Variants in SLC44A5 observed in about 807,000 individuals in gnomAD.
SLC44A5 encodes the protein choline transporter-like protein 5.
In SLC44A5, 57 loss-of-function variants were observed where a neutral mutation model predicts 101.8. The observed-to-expected ratio is 0.56, with a 90% CI of 0.45 to 0.70. SLC44A5 has a LOEUF of 0.70. SLC44A5 is among the 30% of genes least tolerant of loss of function. SLC44A5 has a pLI of 0.00. For synonymous variants in SLC44A5, 281 were observed against 290.9 expected (o/e 0.97, Z 0.35); for missense variants, 737 against 853.1 (o/e 0.86, Z 1.70).
Position 75,222,422 on chromosome 1 carries a change from T to A in SLC44A5, c.1024A>T (p.Met342Leu). The change falls in exon 14 of 24, where the codon ATG becomes TTG. Residue 342 changes from methionine to leucine, a missense_variant. Around this residue, in one of 3 missense-constraint regions of SLC44A5, gnomAD observed 665 missense variants for 764.4 expected, o/e 0.87. Coordinates refer to ENST00000370859, the MANE Select transcript of SLC44A5 (RefSeq NM_001130058.2). Reference protein sequence around the residue: ...LCIIEVIVILMLIFLRNRIRV... With the variant: ...LCIIEVIVILLLIFLRNRIRV... ...ATTCGATTCCTGAGGAAGATCAGCATGAGGATGACAATCACTTCAATGATG... is the reference window on the plus strand; with the variant it reads ...ATTCGATTCCTGAGGAAGATCAGCAAGAGGATGACAATCACTTCAATGATG... The A allele has an allele frequency of 6.2e-7, 1 of 1,613,518 alleles. No individual in the cohort carries two copies. The highest frequency in any genetic ancestry group is 8.5e-7 in the Non-Finnish European group (1 of 1,179,810).
intron 4 of SLC44A5, among the ~76,000 whole-genome samples, chr1:75,339,073 A>G (rs1657667879): frequency 6.6e-6 from 1 of 152,216 alleles, no homozygotes; most frequent in Admixed American, 6.5e-5. Flanking sequence ...TGAGATGAGT[A>G]CATATTTCCC....
At chr1:75,204,433 T>C (rs1466099468) in intron 23 of SLC44A5, 1 of 152,202 alleles carries the variant, frequency 6.6e-6, no homozygotes, top group Non-Finnish European at 1.5e-5. Context: ...TAGCTCATAA[T>C]ATAAATTGGC....
intron 1 of SLC44A5, among the ~76,000 whole-genome samples, chr1:75,605,864 T>C (rs573333598): frequency 1.3e-5 from 2 of 152,144 alleles, no homozygotes; most frequent in Admixed American, 6.6e-5. Context: ...AGCTTCTCTC[T>C]GGAAGAAAGG....
At chr1:75,564,891 G>A (rs999913365) in intron 1 of SLC44A5, among the ~76,000 whole-genome samples, 4 of 152,076 alleles carry the variant, frequency 2.6e-5, no homozygotes, top group Non-Finnish European at 4.4e-5. Flanking sequence ...CAAAATGCTG[G>A]GATTACAGGC....
intron 2 of SLC44A5, among the ~76,000 whole-genome samples, chr1:75,472,085 A>T (rs939963959): frequency 4.0e-4 from 12 of 29,826 alleles, no homozygotes; most frequent in Admixed American, 1.5e-3. Flanking sequence ...CCTGGGTTTA[A>T]AAAAAAAAAA....
At chr1:75,690,826 A>T in the SLC44A5 span, among the ~76,000 whole-genome samples, 2 of 152,144 alleles carry the variant, frequency 1.3e-5, no homozygotes, top group Non-Finnish European at 2.9e-5. Flanking sequence ...TATTCCACCC[A>T]TTGGTTAAAG....
chr1:75,227,908 A>G lies in SLC44A5; in HGVS notation c.854-51T>C, dbSNP rs115003208. 4.1e-3 allele frequency: 5,964 copies of G among 1,466,436 alleles called. 25 individuals carry two copies. The highest frequency in any genetic ancestry group is 5.9e-3 in the Middle Eastern group (34 of 5,774). The allele number at this position is 1,466,436 out of a possible 1,614,324, so 90.8% of individuals were successfully genotyped here. On this transcript the variant is annotated intron_variant, in intron 12 of 23. Coordinates refer to ENST00000370859, the MANE Select transcript of SLC44A5 (RefSeq NM_001130058.2). Reference sequence around the variant, plus strand: ...AATATAAAATATGATTTTCTGAAATAGGAGCTATATGTGCTCATCATACAT... The same window carrying G: ...AATATAAAATATGATTTTCTGAAATGGGAGCTATATGTGCTCATCATACAT...
chr1:75,595,304 A>G (rs1674571698), intron 1 of SLC44A5, among the ~76,000 whole-genome samples: 1 of 152,076 alleles, frequency 6.6e-6, no homozygotes, highest in South Asian at 2.1e-4. Flanking sequence ...ATTCACACAC[A>G]CAACCCATTC....
intron 2 of SLC44A5, among the ~76,000 whole-genome samples, chr1:75,517,971 G>A (rs934812613): frequency 6.6e-6 from 1 of 152,182 alleles, no homozygotes; most frequent in Admixed American, 6.5e-5. Context: ...CAATGGCAGT[G>A]AGAGTAGTTA....
chr1:75,448,525 AT>A (rs1414271628), intron 2 of SLC44A5, among the ~76,000 whole-genome samples: 1 of 152,218 alleles, frequency 6.6e-6, no homozygotes, highest in Non-Finnish European at 1.5e-5. Context: ...GAAAGGAATA[AT>A]AGATACTGGG....
At chr1:75,700,239 T>C in the SLC44A5 span, among the ~76,000 whole-genome samples, 390 of 152,262 alleles carry the variant, frequency 2.6e-3, 9 homozygotes, top group East Asian at 0.066. Context: ...ATTCCAAAAT[T>C]GACCACATAC....
chr1:75,572,091 C>T (rs1470585138), intron 1 of SLC44A5, among the ~76,000 whole-genome samples: 2 of 152,156 alleles, frequency 1.3e-5, no homozygotes, highest in Non-Finnish European at 2.9e-5. Flanking sequence ...TTGTGGTTTG[C>T]AAGATCTCAT....
At chr1:75,402,500 T>C (rs1462723689) in intron 2 of SLC44A5, 6 of 347,300 alleles carry the variant, frequency 1.7e-5, no homozygotes, top group Admixed American at 5.8e-5. Flanking sequence ...GCTCATCTCA[T>C]AGGGACTGGT....
intron 7 of SLC44A5, among the ~76,000 whole-genome samples, chr1:75,246,583 T>G (rs1649124138): frequency 6.6e-6 from 1 of 151,986 alleles, no homozygotes; most frequent in Non-Finnish European, 1.5e-5. Context: ...ATGTTTGTCA[T>G]AAGATGGTAA....
intron 3 of SLC44A5, among the ~76,000 whole-genome samples, chr1:75,340,061 A>T (rs1557680181): frequency 6.6e-6 from 1 of 152,140 alleles, no homozygotes; most frequent in Non-Finnish European, 1.5e-5. Flanking sequence ...AGTAGATTAG[A>T]GTTTCCTTCG....
Position 75,227,153 on chromosome 1 carries a change from C to A in SLC44A5, c.985+573G>T, listed in dbSNP as rs1318457536. ...GCTGAGGTGGGAGGATCACTTGAGC[C>A]CAGAAATTCAAGACCAGGCTAGGCA... is the stretch of plus-strand genomic sequence containing the variant. On this transcript the variant is annotated intron_variant, in intron 13 of 23. Coordinates refer to ENST00000370859, the MANE Select transcript of SLC44A5 (RefSeq NM_001130058.2). Among the ~76,000 whole-genome samples, 3 of 152,026 alleles carry A rather than the reference C, an allele frequency of 2.0e-5. No individual in the cohort carries two copies. In the South Asian group the frequency reaches 6.2e-4, roughly 32 times the overall value.
At chr1:75,481,236 C>T (rs1271934520) in intron 2 of SLC44A5, among the ~76,000 whole-genome samples, 1 of 152,156 alleles carries the variant, frequency 6.6e-6, no homozygotes, top group Non-Finnish European at 1.5e-5. Flanking sequence ...TTCCTTATGC[C>T]TTATACAAAA....
intron 2 of SLC44A5, among the ~76,000 whole-genome samples, chr1:75,482,939 G>A (rs555563514): frequency 6.6e-6 from 1 of 152,176 alleles, no homozygotes; most frequent in African/African-American, 2.4e-5. Context: ...ATAAAATAAA[G>A]TCACATGATA....
At chr1:75,544,035 A>G (rs2101960624) in intron 1 of SLC44A5, among the ~76,000 whole-genome samples, 1 of 152,320 alleles carries the variant, frequency 6.6e-6, no homozygotes, top group East Asian at 1.9e-4. Flanking sequence ...CTATGGTTTG[A>G]AAGTTTTCCC....
Sources: gnomAD v4.1 joint callset for allele counts (sites outside exome capture counted in the v4.1 genomes callset) on GRCh38, gnomAD v4.1.1 for gene constraint, gnomAD v4.1.1 regional missense constraint, MANE v1.5 for transcripts, NCBI Gene and HGNC (gene_info 2026-07-23, HGNC 2026-07-21) for gene names.